BRAP: variants seen among roughly 807,000 people sequenced by gnomAD.
BRAP encodes BRCA1 associated protein.
A neutral mutation model predicts 73.4 loss-of-function variants in BRAP; 42 were observed. The observed-to-expected ratio is 0.57, with a 90% CI of 0.45 to 0.74. The LOEUF (loss-of-function observed/expected upper bound fraction) is 0.74. Ranked by LOEUF, BRAP falls within the 30% of genes least tolerant of loss-of-function variation. The pLI, the probability that BRAP is intolerant of heterozygous loss-of-function variation, is 0.00. For synonymous variants in BRAP, 255 were observed against 267.4 expected (o/e 0.95, Z 0.45); for missense variants, 593 against 751.4 (o/e 0.79, Z 2.46).
chr12:111,683,387 C>T (rs1158140782), intron 1 of BRAP, 80 bp from the exon 2 acceptor site: 1 of 1,463,394 alleles, frequency 6.8e-7, no homozygotes, highest in East Asian at 2.3e-5. Context: ...ATTAGGTTTT[C>T]CTTTTCTTTC....
chr12:111,675,415 A>G (rs758267194), intron 4 of BRAP, among the ~76,000 whole-genome samples: 7 of 151,106 alleles, frequency 4.6e-5, no homozygotes, highest in Non-Finnish European at 8.8e-5. Flanking sequence ...AGATTTCCCA[A>G]TTAACATATT....
intron 1 of BRAP, among the ~76,000 whole-genome samples, chr12:111,685,136 T>G (rs1258902525): frequency 6.6e-6 from 1 of 152,222 alleles, no homozygotes. Context: ...ACAGATAACC[T>G]TGGGCAAATC....
intron 5 of BRAP, among the ~76,000 whole-genome samples, chr12:111,667,063 A>T (rs1886971468): frequency 6.6e-6 from 1 of 152,230 alleles, no homozygotes; most frequent in South Asian, 2.1e-4. Context: ...GTTAACAAAC[A>T]GGAAAATGGA....
chr12:111,668,810 C>A (rs1887057171), intron 5 of BRAP, among the ~76,000 whole-genome samples: 1 of 152,080 alleles, frequency 6.6e-6, no homozygotes, highest in Non-Finnish European at 1.5e-5. Context: ...GTGCCCACCA[C>A]AACGCCTAGC....
chr12:111,665,081 T>C lies in BRAP; in HGVS notation c.896+558A>G, dbSNP rs186228538. On this transcript the variant is annotated intron_variant, in intron 6 of 11. Coordinates refer to ENST00000419234, the MANE Select transcript of BRAP (RefSeq NM_006768.5). This position sits in a 1 kb window ranked among gnomAD's most constrained non-coding sequence, Gnocchi z 4.3. ...TGCAAAGGGAGCAACCATCCTGGAT[T>C]TAGGGGGTAAAAAAAAGGTACAGGC... Among the ~76,000 whole-genome samples, 64 of 152,160 alleles carry C rather than the reference T, an allele frequency of 4.2e-4. 1 individual carries two copies. The East Asian group carries it at 8.3e-3, about 20-fold the overall frequency.
rs1566104640 is a variant in BRAP, at chr12:111,642,546, T to C, written c.*1653A>G. ...AACTACTTCTAATTCTCTTCATTAG[T>C]ATGCTATGATCCACCCCAGCTTCTG... On this transcript the variant is annotated 3_prime_UTR_variant, in exon 12 of 12. Transcript: ENST00000419234. 1 of 152,192 alleles carries C rather than the reference T, an allele frequency of 6.6e-6. No individual in the cohort carries two copies. Among genetic ancestry groups the C allele is most frequent in the African/African-American group, 2.4e-5 (1 of 41,446 alleles). The allele number at this position is 152,192 out of a possible 1,614,324, so 9.4% of individuals were successfully genotyped here.
In BRAP at chr12:111,679,271, T is replaced by C; in HGVS notation, c.513A>G (p.Ala171=). ...AMLCILTVPA[A]MTSHDLMKFV... ...ACTTCATAAGGTCATGACTGGTCATTGCAGCAGGGACTGTGAGAATACACA... is the reference window on the plus strand; with the variant it reads ...ACTTCATAAGGTCATGACTGGTCATCGCAGCAGGGACTGTGAGAATACACA... The change falls in exon 4 of 12, where the codon GCA becomes GCG. Residue 171 remains alanine (A), a synonymous_variant. Transcript: ENST00000419234. 2 of 1,610,870 alleles carry C rather than the reference T, an allele frequency of 1.2e-6. No homozygotes were observed. The highest frequency in any genetic ancestry group is 1.3e-5 in the African/African-American group (1 of 74,984).
At chr12:111,675,168 G>C (rs979993328) in intron 4 of BRAP, among the ~76,000 whole-genome samples, 5 of 151,918 alleles carry the variant, frequency 3.3e-5, no homozygotes, top group Non-Finnish European at 5.9e-5. Flanking sequence ...GGCTGAGGTG[G>C]GAGGATAGCT....
At chr12:111,651,780 G>C (rs1025607244) in intron 10 of BRAP, among the ~76,000 whole-genome samples, 5 of 151,052 alleles carry the variant, frequency 3.3e-5, no homozygotes, top group African/African-American at 1.2e-4. Context: ...TGGGACTACA[G>C]GTGCATGCCA....
At chr12:111,669,918 C>CA (rs1406603994) in intron 5 of BRAP, 6 of 634,710 alleles carry the variant, frequency 9.5e-6, no homozygotes, top group Non-Finnish European at 1.7e-5. Context: ...TTCTGGTTAT[C>CA]AAAAAACCCA....
chr12:111,657,567 T>C (rs1886580066), intron 9 of BRAP, among the ~76,000 whole-genome samples: 1 of 152,150 alleles, frequency 6.6e-6, no homozygotes, highest in South Asian at 2.1e-4. Context: ...TAAAACAACA[T>C]TTTTTGAAAT....
chr12:111,674,500 C>T (rs1887301676), intron 4 of BRAP, among the ~76,000 whole-genome samples: 1 of 152,198 alleles, frequency 6.6e-6, no homozygotes, highest in Non-Finnish European at 1.5e-5. Context: ...ACCTCGGTCT[C>T]CCAAAGTGTT....
At chr12:111,659,035 T>TCTCCCACTAATCACATTA (rs1886641558) in intron 8 of BRAP, among the ~76,000 whole-genome samples, 172 bp downstream of exon 8, 2 of 152,174 alleles carry the variant, frequency 1.3e-5, no homozygotes. Context: ...CCCTTTATAA[T>TCTCCCACTAATCACATTA]GTGTGATTCA....
intron 11 of BRAP, among the ~76,000 whole-genome samples, chr12:111,649,612 C>T (rs537108632): frequency 6.6e-6 from 1 of 152,374 alleles, no homozygotes; most frequent in African/African-American, 2.4e-5. Flanking sequence ...GACACAGTCT[C>T]GTTCCTAACT....
At chr12:111,667,889 T>C (rs1887017992) in intron 5 of BRAP, among the ~76,000 whole-genome samples, 1 of 151,864 alleles carries the variant, frequency 6.6e-6, no homozygotes, top group Non-Finnish European at 1.5e-5. Context: ...ATGTATACAT[T>C]TAAAATCAAC....
intron 5 of BRAP, among the ~76,000 whole-genome samples, chr12:111,668,541 T>C (rs1479229040): frequency 6.6e-6 from 1 of 152,178 alleles, no homozygotes; most frequent in Non-Finnish European, 1.5e-5. Flanking sequence ...CTGATTTACT[T>C]TGGTAGCAAA....
intron 6 of BRAP, among the ~76,000 whole-genome samples, chr12:111,662,683 C>T (rs1282099090): frequency 6.6e-6 from 1 of 152,066 alleles, no homozygotes; most frequent in Non-Finnish European, 1.5e-5. Flanking sequence ...GGATCTAGTC[C>T]ACTTCTTCCT....
At chr12:111,659,802 A>G (rs1886675316) in intron 7 of BRAP, among the ~76,000 whole-genome samples, 1 of 152,166 alleles carries the variant, frequency 6.6e-6, no homozygotes. Context: ...GTATCGCTTG[A>G]GCCTAGGAGT....
intron 5 of BRAP, among the ~76,000 whole-genome samples, chr12:111,667,103 T>G (rs1162747878): frequency 6.6e-6 from 1 of 152,184 alleles, no homozygotes; most frequent in African/African-American, 2.4e-5. Context: ...TACATTAAAG[T>G]AAGTTAAATT....
Sources: allele counts gnomAD v4.1 joint callset (sites outside exome capture counted in the v4.1 genomes callset), GRCh38; gene constraint gnomAD v4.1.1; non-coding constraint Gnocchi (gnomAD v3.1); transcripts MANE v1.5; gene names NCBI Gene and HGNC (gene_info 2026-07-23, HGNC 2026-07-21).